Variants in HELZ2 observed in about 807,000 individuals in gnomAD.
HELZ2 encodes 3'-5' exoribonuclease HELZ2.
Under a neutral mutation model 208.8 loss-of-function variants are expected in HELZ2, and 143 were observed. That is an observed-to-expected ratio of 0.68 (90% CI 0.60 to 0.79). The LOEUF is 0.79. Among genes scored for constraint, HELZ2 ranks in the 30% least tolerant of loss-of-function variants. HELZ2 has a pLI of 0.00. For synonymous variants in HELZ2, 1,705 were observed against 1,693.7 expected (o/e 1.01, Z -0.16); for missense variants, 3,690 against 3,794.5 (o/e 0.97, Z 0.72).
At position 63,568,959 on chromosome 20, in the gene HELZ2, G is replaced by A. The variant is rs765695794; in HGVS notation, c.1129C>T (p.Gln377Ter). The A allele has an allele frequency of 3.7e-6, 6 of 1,604,862 alleles. No individual in the cohort carries two copies. The highest frequency in any genetic ancestry group is 5.1e-6 in the Non-Finnish European group (6 of 1,179,884). ...AAGAGCATGTTCAGCGCTGGCGTCT[G>A]CAATGCCGTCTTCAGGAACACCTGG... The change falls in exon 5 of 19, where the codon CAG becomes TAG. Residue 377 changes from glutamine (Q) to a stop codon, truncating the protein, a stop_gained. Transcript: ENST00000467148. LOFTEE classifies it high-confidence loss of function.
At position 63,565,492 on chromosome 20, in the gene HELZ2, G is replaced by C; in HGVS notation, c.3330C>G (p.Tyr1110Ter). Residue 1110 changes from tyrosine to a stop codon, truncating the protein, a stop_gained, in exon 8 of 19, where the codon TAC (tyrosine) becomes TAG (stop). Transcript: ENST00000467148. LOFTEE classifies it high-confidence loss of function. ...GTAGCGCAGCCGGGGGCAGGTTCTC[G>C]TACAGCCGGGCCTGCTGCAGGGACT... 6.2e-7 allele frequency: 1 copy of C among 1,606,752 alleles called. No homozygotes were observed. Among genetic ancestry groups the C allele is most frequent in the Non-Finnish European group, 8.5e-7 (1 of 1,179,266 alleles).
At chr20:63,570,687 C>T in exon 2 of HELZ2, 3 of 1,474,492 alleles carry the variant, frequency 2.0e-6, no homozygotes, top group Non-Finnish European at 2.8e-6. Context: ...CCACTTACCA[C>T]AAGGACCTCA....
rs888631984 is a variant in HELZ2 at position 63,562,511 on chromosome 20, G to A, written c.6302+9C>T. The A allele has an allele frequency of 6.4e-7, 1 of 1,562,328 alleles. No individual in the cohort carries two copies. Among genetic ancestry groups the A allele is most frequent in the Non-Finnish European group, 8.7e-7 (1 of 1,154,852 alleles). Reference sequence around the variant, plus strand: ...CCCAGCCCAGCCTCTGCTGGTGGAAGCCACTCACAGATCAGGAAGCTGCTT... The same window carrying A: ...CCCAGCCCAGCCTCTGCTGGTGGAAACCACTCACAGATCAGGAAGCTGCTT... On this transcript the variant is annotated intron_variant, in intron 8 of 18. Coordinates refer to ENST00000467148, the Ensembl canonical transcript of HELZ2.
intron 6 of HELZ2, 36 bp downstream of exon 7, chr20:63,566,808 T>G (rs758921198): frequency 1.3e-6 from 2 of 1,537,232 alleles, no homozygotes; most frequent in African/African-American, 1.4e-5. Context: ...CCAGCAGGGG[T>G]GCGGTCGGGG....
downstream of HELZ2, chr20:63,559,112 T>C: frequency 1.0e-6 from 1 of 1,004,122 alleles, no homozygotes; most frequent in South Asian, 1.8e-5. Context: ...TCCACCCACT[T>C]CCTGCCCCAG....
At chr20:63,559,842 A>G in intron 18 of HELZ2, 86 bp downstream of exon 19, 2 of 1,460,620 alleles carry the variant, frequency 1.4e-6, no homozygotes, top group Non-Finnish European at 1.9e-6. Flanking sequence ...GGTCGGAGTC[A>G]GGGTCAGGCA....
exon 8 of HELZ2, chr20:63,563,052 A>G: frequency 6.3e-7 from 1 of 1,599,914 alleles, no homozygotes; most frequent in Non-Finnish European, 8.5e-7. Context: ...ACACGGCCTG[A>G]GAAGCAGTCT....
chr20:63,562,924 A>G, exon 8 of HELZ2: 1 of 1,594,604 alleles, frequency 6.3e-7, no homozygotes, highest in South Asian at 1.1e-5. Flanking sequence ...TCAGGTGCTG[A>G]AGTGTGACGG....
At chr20:63,560,274 G>A (rs769531511) in exon 17 of HELZ2, 111 of 1,564,172 alleles carry the variant, frequency 7.1e-5, no homozygotes, top group Admixed American at 2.4e-4. Flanking sequence ...TGAGGACGGC[G>A]ATGTCCTGGG....
At chr20:63,569,235 G>A (rs181579176) in exon 4 of HELZ2, 12 of 1,565,136 alleles carry the variant, frequency 7.7e-6, no homozygotes, top group East Asian at 6.8e-5. Flanking sequence ...GATGGGGCCC[G>A]AGGCCACGCT....
intron 11 of HELZ2, 24 bp from the exon 13 acceptor site, chr20:63,561,769 G>A: frequency 6.4e-7 from 1 of 1,570,548 alleles, no homozygotes; most frequent in South Asian, 1.2e-5. Flanking sequence ...GGGGACGTGA[G>A]TCCTGCCCCG....
At position 63,565,801 on chromosome 20, in the gene HELZ2, TG is replaced by T; in HGVS notation, c.3020del (p.Pro1007GlnfsTer24). On this transcript the variant is annotated frameshift_variant, in exon 8 of 19. Transcript: ENST00000467148. LOFTEE classifies it high-confidence loss of function. ...TGGTTGCCGTGATGTCACGGGATGCTGGGCTCAGAGCCTCATCTCCCGGCTC... is the reference window on the plus strand; with the variant it reads ...TGGTTGCCGTGATGTCACGGGATGCTGGCTCAGAGCCTCATCTCCCGGCTC... The T allele has an allele frequency of 6.3e-7, 1 of 1,599,662 alleles. No homozygotes were observed. Among genetic ancestry groups the T allele is most frequent in the South Asian group, 1.1e-5 (1 of 91,040 alleles).
At chr20:63,559,192 G>A (rs1465519222), downstream of HELZ2, 5 of 1,458,700 alleles carry the variant, frequency 3.4e-6, no homozygotes, top group Admixed American at 4.6e-5. Flanking sequence ...GGAGGGTGGG[G>A]GGGCCCTGGA....
Position 63,560,099 on chromosome 20 carries a change from C to T in HELZ2, c.7658-4G>A, listed in dbSNP as rs113748232. The T allele has an allele frequency of 2.2e-3, 3,493 of 1,587,290 alleles. 56 individuals are homozygous for T. The African/African-American group carries it at 0.037, about 17-fold the overall frequency. On this transcript the variant is annotated splice_polypyrimidine_tract_variant and splice_region_variant and intron_variant, in intron 17 of 18. Transcript: ENST00000467148. ...AGCACATAGCGCCACTCGCTCCCTG[C>T]GGGATGGGAGGTGAGGCCCTGCTGC...
chr20:63,568,897 G>C (rs2082991088), exon 5 of HELZ2: 1 of 1,611,222 alleles, frequency 6.2e-7, no homozygotes, highest in African/African-American at 1.3e-5. Context: ...GGGAGGAGGG[G>C]ACGGGGACCT....
At position 63,563,265 on chromosome 20, in the gene HELZ2, C is replaced by T. The variant is rs576323272; in HGVS notation, c.5557G>A (p.Ala1853Thr). 7.8e-5 allele frequency: 121 copies of T among 1,556,448 alleles called. No homozygotes were observed. The highest frequency in any genetic ancestry group is 2.8e-4 in the African/African-American group (21 of 73,954). ...TGCACCAGCTCCCGCCGCTGGGACGCCTCGCCCTTCTCCTGGATGAGAGCA... is the reference window on the plus strand; with the variant it reads ...TGCACCAGCTCCCGCCGCTGGGACGTCTCGCCCTTCTCCTGGATGAGAGCA... The change falls in exon 8 of 19, where the codon GCG (alanine) becomes ACG (threonine). Residue 1853 changes from alanine to threonine, a missense_variant. Around this residue, in one of 3 missense-constraint regions of HELZ2, gnomAD observed 2,564 missense variants for 2,580.5 expected, o/e 0.99. Transcript: ENST00000467148.
chr20:63,563,713 G>A (rs765414328), exon 8 of HELZ2: 26 of 1,592,096 alleles, frequency 1.6e-5, no homozygotes, highest in East Asian at 4.5e-5. Context: ...AGAGCCCATC[G>A]ATGTCCCTGG....
chr20:63,563,887 C>G, exon 8 of HELZ2: 1 of 1,599,596 alleles, frequency 6.3e-7, no homozygotes, highest in Non-Finnish European at 8.5e-7. Context: ...GGCCGAACGC[C>G]GAGCGCTCCA....
At chr20:63,567,379 A>C (rs758816768) in exon 6 of HELZ2, 6 of 1,595,866 alleles carry the variant, frequency 3.8e-6, no homozygotes, top group East Asian at 2.3e-5. Context: ...GTGGGAGAAG[A>C]AGCCGACCGG....
Sources: allele counts gnomAD v4.1 joint callset, GRCh38; gene constraint gnomAD v4.1.1; regional missense constraint gnomAD v4.1.1; transcripts MANE v1.5; gene names NCBI Gene and HGNC (gene_info 2026-07-23, HGNC 2026-07-21).